NFKB2: variants seen among roughly 807,000 people sequenced by gnomAD.
NFKB2 encodes the protein nuclear factor NF-kappa-B p100 subunit.
Under a neutral mutation model 109.3 loss-of-function variants are expected in NFKB2, and 21 were observed. That is an observed-to-expected ratio of 0.19 (90% CI 0.14 to 0.28). The LOEUF (loss-of-function observed/expected upper bound fraction) is 0.28, where lower values mean the gene tolerates loss of function less well. NFKB2 is among the 10% of genes least tolerant of loss of function. The pLI is 1.00. For synonymous variants in NFKB2, 478 were observed against 489.9 expected (o/e 0.98, Z 0.32); for missense variants, 806 against 1,185.3 (o/e 0.68, Z 4.70).
Position 102,396,011 on chromosome 10 carries a change from C to A in NFKB2, c.21+31C>A, listed in dbSNP as rs1305938923. The A allele has an allele frequency of 6.2e-7, 1 of 1,611,324 alleles. No homozygotes were observed. The highest frequency in any genetic ancestry group is 1.7e-5 in the Admixed American group (1 of 59,988). On this transcript the variant is annotated intron_variant, in intron 2 of 22. Coordinates refer to ENST00000661543, the MANE Select transcript of NFKB2 (RefSeq NM_001322934.2). This position sits in a 1 kb window ranked among gnomAD's most constrained non-coding sequence, Gnocchi z 5.9. ...TCATGCCGCCTGCCCCTGACCCGGC[C>A]GGCTGCCCCTCGTGTCTGTCCACCT...
rs377252257 is a variant in NFKB2 at position 102,400,045 on chromosome 10, G to C, written c.1470-35G>C. 1 of 1,602,392 alleles carries C rather than the reference G, an allele frequency of 6.2e-7. No homozygotes were observed. Among genetic ancestry groups the C allele is most frequent in the South Asian group, 1.1e-5 (1 of 90,786 alleles). On this transcript the variant is annotated intron_variant, in intron 14 of 22. Coordinates refer to ENST00000661543, the MANE Select transcript of NFKB2 (RefSeq NM_001322934.2). This position sits in a 1 kb window ranked among gnomAD's most constrained non-coding sequence, Gnocchi z 6.3. Reference sequence around the variant, plus strand: ...GCCTTGAAAGCGAAGGATGCTCTGAGTGGCTGGGCCAGACTCTCGCTCCCC... The same window carrying C: ...GCCTTGAAAGCGAAGGATGCTCTGACTGGCTGGGCCAGACTCTCGCTCCCC...
In NFKB2 at chr10:102,401,680, C is replaced by CT; in HGVS notation, c.2294-65_2294-64insT. 1 of 1,551,486 alleles carries CT rather than the reference C, an allele frequency of 6.4e-7. No homozygotes were observed. The highest frequency in any genetic ancestry group is 8.7e-7 in the Non-Finnish European group (1 of 1,143,652). ...CTTACCTTGGGAGAAAGGCAGTGTT[C>CT]AGGTGTCCATGTCCCCACCCAACTC... On this transcript the variant is annotated intron_variant, in intron 20 of 22. Coordinates refer to ENST00000661543, the MANE Select transcript of NFKB2 (RefSeq NM_001322934.2). This position sits in a 1 kb window ranked among gnomAD's most constrained non-coding sequence, Gnocchi z 4.2.
At position 102,397,349 on chromosome 10, in the gene NFKB2, G is replaced by A; in HGVS notation, c.443G>A (p.Gly148Glu). 1.2e-6 allele frequency: 2 copies of A among 1,613,880 alleles called. No homozygotes were observed. Among genetic ancestry groups the A allele is most frequent in the Non-Finnish European group, 1.7e-6 (2 of 1,179,932 alleles). ...VLHVTKKNMM[G>E]TMIQKLQRQR... ...CATGTGACTAAGAAGAACATGATGG[G>A]GACTATGATACAAAAACTTCAGAGG... The change falls in exon 7 of 23, where the codon GGG becomes GAG. Residue 148 changes from glycine (G) to glutamate (E), a missense_variant. Physicochemically the swap from Gly to Glu is moderately conservative, Grantham distance 98 (BLOSUM62 -2). Coordinates refer to ENST00000661543, the MANE Select transcript of NFKB2 (RefSeq NM_001322934.2). This position sits in a 1 kb window ranked among gnomAD's most constrained non-coding sequence, Gnocchi z 4.7.
At position 102,401,837 on chromosome 10, in the gene NFKB2, G is replaced by C; in HGVS notation, c.2386G>C (p.Glu796Gln). Reference protein sequence around the residue: ...EAQGSWAELAERLGLRSLVDT... With the variant: ...EAQGSWAELAQRLGLRSLVDT... ...CCAGGGCAGCTGGGCAGAGCTGGCA[G>C]AGCGTCTGGGGCTGCGCAGCCTGGT... Residue 796 changes from glutamate (E) to glutamine (Q), a missense_variant, in exon 21 of 23, where the codon GAG becomes CAG. Physicochemically the swap from Glu to Gln is conservative, Grantham distance 29. Coordinates refer to ENST00000661543, the MANE Select transcript of NFKB2 (RefSeq NM_001322934.2). The surrounding 1 kb of genome is among the most constrained non-coding windows in gnomAD (Gnocchi z 4.2). 1 of 1,613,976 alleles carries C rather than the reference G, an allele frequency of 6.2e-7. No individual in the cohort carries two copies. Among genetic ancestry groups the C allele is most frequent in the Non-Finnish European group, 8.5e-7 (1 of 1,179,962 alleles).
rs1239051099 is a variant in NFKB2, at chr10:102,401,544, C to T, written c.2293+26C>T. The T allele has an allele frequency of 6.2e-7, 1 of 1,610,060 alleles. No homozygotes were observed. Among genetic ancestry groups the T allele is most frequent in the East Asian group, 2.2e-5 (1 of 44,858 alleles). The stretch of plus-strand genomic sequence containing the variant: ...GTGAGAAGCATCAGGCATCCCCAGC[C>T]CGACTCCTCTGACTCCTCACAGAGG... On this transcript the variant is annotated intron_variant, in intron 20 of 22. Transcript: ENST00000661543. This position sits in a 1 kb window ranked among gnomAD's most constrained non-coding sequence, Gnocchi z 4.2.
At position 102,400,887 on chromosome 10, in the gene NFKB2, G is replaced by A; in HGVS notation, c.1969-60G>A. ...TGGTGGAGGGGCCAAAGATGGTGAA[G>A]GGGGGGGCTGGCCAAGGGGACCATG... On this transcript the variant is annotated intron_variant, in intron 17 of 22. Transcript: ENST00000661543. This position sits in a 1 kb window ranked among gnomAD's most constrained non-coding sequence, Gnocchi z 6.3. The A allele has an allele frequency of 1.3e-6, 2 of 1,574,926 alleles. No individual in the cohort carries two copies. Among genetic ancestry groups the A allele is most frequent in the Non-Finnish European group, 1.7e-6 (2 of 1,157,918 alleles).
chr10:102,398,138 CCAG>C lies in NFKB2; in HGVS notation c.766+54_766+56del, dbSNP rs1554989962. 6.2e-7 allele frequency: 1 copy of C among 1,611,964 alleles called. No individual in the cohort carries two copies. Among genetic ancestry groups the C allele is most frequent in the Non-Finnish European group, 8.5e-7 (1 of 1,178,216 alleles). ...AAGGACATCGAGTATAAGACTGGGGCCAGGGAAGCTCTAGGGTAAATGGCCCCA... is the reference window on the plus strand; with the variant it reads ...AAGGACATCGAGTATAAGACTGGGGCGGAAGCTCTAGGGTAAATGGCCCCA... On this transcript the variant is annotated intron_variant, in intron 9 of 22. Transcript: ENST00000661543. This position sits in a 1 kb window ranked among gnomAD's most constrained non-coding sequence, Gnocchi z 6.6.
At position 102,399,667 on chromosome 10, in the gene NFKB2, T is replaced by G; in HGVS notation, c.1418T>G (p.Leu473Arg). The G allele has an allele frequency of 6.5e-7, 1 of 1,528,816 alleles. No individual in the cohort carries two copies. The highest frequency in any genetic ancestry group is 8.8e-7 in the Non-Finnish European group (1 of 1,136,266). The allele number at this position is 1,528,816 out of a possible 1,614,324, so 94.7% of individuals were successfully genotyped here. Reference protein sequence around the residue: ...DYGVTADARALLAGQRHLLTA... With the variant: ...DYGVTADARARLAGQRHLLTA... ...GGCGTCACCGCGGACGCGCGCGCGC[T>G]GCTGGCGGGACAGCGCCACCTGCTG... Residue 473 changes from leucine (L) to arginine (R), a missense_variant, in exon 14 of 23, where the codon CTG (leucine) becomes CGG (arginine). Coordinates refer to ENST00000661543, the MANE Select transcript of NFKB2 (RefSeq NM_001322934.2).
chr10:102,395,842 C>CCCCTTGA, intron 1 of NFKB2, 46 bp downstream of exon 1: 1 of 655,934 alleles, frequency 1.5e-6, no homozygotes, highest in Non-Finnish European at 2.7e-6. Context: ...CGCCCACCCC[C>CCCCTTGA]ATTTAGATCT....
In NFKB2 at chr10:102,395,777, C is replaced by T; in HGVS notation, c.-92C>T. ...TCCACCGGATCTCACCCGCCACACC[C>T]GGACAGGCGGCTGGAGGAGGTCGGA... On this transcript the variant is annotated 5_prime_UTR_variant, in exon 1 of 23. Coordinates refer to ENST00000661543, the MANE Select transcript of NFKB2 (RefSeq NM_001322934.2). The T allele has an allele frequency of 3.1e-6, 2 of 648,470 alleles. No homozygotes were observed. The highest frequency in any genetic ancestry group is 5.1e-5 in the Admixed American group (2 of 39,022). 40.2% of individuals were successfully genotyped at this position (648,470 alleles called of 1,614,324 possible).
In NFKB2 at chr10:102,400,520, G is replaced by A. The variant is rs1205436786; in HGVS notation, c.1798+29G>A. ...AGCTCCCCATCTCACCTGACTAAGG[G>A]GGCAGGCGGGGACCAGGGAGGGTAT... On this transcript the variant is annotated intron_variant, in intron 16 of 22. Transcript: ENST00000661543. The surrounding 1 kb of genome is among the most constrained non-coding windows in gnomAD (Gnocchi z 6.3). The A allele has an allele frequency of 2.5e-6, 4 of 1,588,726 alleles. No homozygotes were observed. Among genetic ancestry groups the A allele is most frequent in the African/African-American group, 2.7e-5 (2 of 74,368 alleles).
Position 102,395,869 on chromosome 10 carries a change from C to T in NFKB2, c.-72-19C>T. 1 of 1,377,954 alleles carries T rather than the reference C, an allele frequency of 7.3e-7. No individual in the cohort carries two copies. The highest frequency in any genetic ancestry group is 1.2e-5 in the South Asian group (1 of 85,964). The allele number at this position is 1,377,954 out of a possible 1,614,324, so 85.4% of individuals were successfully genotyped here. On this transcript the variant is annotated intron_variant, in intron 1 of 22. Coordinates refer to ENST00000661543, the MANE Select transcript of NFKB2 (RefSeq NM_001322934.2). ...TTTAGATCTGACCCCCTCCCCCACG[C>T]CACTCCTCCCAACTTTAGGCGGGCG...
At chr10:102,402,003 A>G in intron 21 of NFKB2, 45 bp from the exon 22 acceptor site, 1 of 1,576,564 alleles carries the variant, frequency 6.3e-7, no homozygotes, top group Non-Finnish European at 8.6e-7. Context: ...GCTCCCGAGC[A>G]CATGCCCTAA....
rs1478185551 is a variant in NFKB2, at chr10:102,401,791, G to A, written c.2340G>A (p.Gln780=). ...ATACAGCTCTGCAGAACCTGGAGCA[G>A]CTGCTAGACGGGCCAGAAGCCCAGG... ...LGDTALQNLE[Q]LLDGPEAQGS... The change falls in exon 21 of 23, where the codon CAG becomes CAA. Residue 780 remains glutamine (Q), a synonymous_variant. Transcript: ENST00000661543. The surrounding 1 kb of genome is among the most constrained non-coding windows in gnomAD (Gnocchi z 4.2). 1 of 1,613,380 alleles carries A rather than the reference G, an allele frequency of 6.2e-7. No individual in the cohort carries two copies. Among genetic ancestry groups the A allele is most frequent in the African/African-American group, 1.3e-5 (1 of 75,066 alleles).
rs1554990287 is a variant in NFKB2 at position 102,398,945 on chromosome 10, G to T, written c.1117+81G>T. On this transcript the variant is annotated intron_variant, in intron 12 of 22. Transcript: ENST00000661543. This position sits in a 1 kb window ranked among gnomAD's most constrained non-coding sequence, Gnocchi z 6.6. The stretch of plus-strand genomic sequence containing the variant: ...AAATCTGGGGGAGGCCGGGCGTGGT[G>T]GCTCACGCCTGTAATCCAGCCCTTT... 1 of 1,444,874 alleles carries T rather than the reference G, an allele frequency of 6.9e-7. No homozygotes were observed. The highest frequency in any genetic ancestry group is 1.3e-5 in the South Asian group (1 of 77,358). The allele number at this position is 1,444,874 out of a possible 1,614,324, so 89.5% of individuals were successfully genotyped here.
intron 14 of NFKB2, 94 bp downstream of exon 14, chr10:102,399,812 G>T: frequency 7.0e-7 from 1 of 1,420,990 alleles, no homozygotes; most frequent in South Asian, 1.5e-5. Flanking sequence ...GACACGCCAG[G>T]CTTCAAGTCC....
intron 14 of NFKB2, 132 bp from the exon 15 acceptor site, chr10:102,399,948 A>G (rs553988768): frequency 3.3e-4 from 361 of 1,080,678 alleles, no homozygotes; most frequent in Non-Finnish European, 4.7e-4. Context: ...CGTTAAGTGC[A>G]GGCACAGCGA....
rs1162584480 is a variant in NFKB2, at chr10:102,402,353, C to T, written c.2680C>T (p.His894Tyr). 6.4e-7 allele frequency: 1 copy of T among 1,554,468 alleles called. No individual in the cohort carries two copies. Among genetic ancestry groups the T allele is most frequent in the Non-Finnish European group, 8.7e-7 (1 of 1,151,736 alleles). ...GCCACCAGGAGGGCTCTGCCACGGG[C>T]ACCCCCAGCCTCAGGTGCACTGACC... ...PEPPGGLCHGHPQPQVH is the reference protein window; with the variant it reads ...PEPPGGLCHGYPQPQVH Residue 894 changes from histidine (H) to tyrosine (Y), a missense_variant, in exon 23 of 23, where the codon CAC becomes TAC. His to Tyr is a moderately conservative substitution (Grantham distance 83). Transcript: ENST00000661543.
rs969693798 is a variant in NFKB2 at position 102,402,431 on chromosome 10, A to T, written c.*55A>T. On this transcript the variant is annotated 3_prime_UTR_variant, in exon 23 of 23. Coordinates refer to ENST00000661543, the MANE Select transcript of NFKB2 (RefSeq NM_001322934.2). ...GACCCCCTGTACAGCGTCCCCACCTATTTCAAATCTTATTTAACACCCCAC... is the reference window on the plus strand; with the variant it reads ...GACCCCCTGTACAGCGTCCCCACCTTTTTCAAATCTTATTTAACACCCCAC... The T allele has an allele frequency of 4.7e-6, 5 of 1,056,092 alleles. No individual in the cohort carries two copies. The African/African-American group carries it at 6.6e-5, about 14-fold the overall frequency. 65.4% of individuals were successfully genotyped at this position (1,056,092 alleles called of 1,614,324 possible).
Sources: gnomAD v4.1 joint callset for allele counts on GRCh38, gnomAD v4.1.1 for gene constraint, Gnocchi (gnomAD v3.1) non-coding constraint, MANE v1.5 for transcripts, NCBI Gene and HGNC (gene_info 2026-07-23, HGNC 2026-07-21) for gene names.